Variants in TARBP1 observed in about 807,000 individuals in gnomAD.
TARBP1 encodes the protein tRNA guanosine 2 -O-methyltransferase TARBP1.
Under a neutral mutation model 178.6 loss-of-function variants are expected in TARBP1, and 144 were observed. The ratio of observed to expected loss-of-function variants is 0.81; its 90% CI spans 0.70 to 0.93. The LOEUF is 0.93. TARBP1 is among the 40% of genes least tolerant of loss of function. The pLI is 0.00. For synonymous variants in TARBP1, 787 were observed against 781.0 expected, an observed-to-expected ratio of 1.01 and a Z score of -0.13; for missense variants, 2,067 against 2,011.7, an observed-to-expected ratio of 1.03 and a Z score of -0.53.
chr1:234,427,509 C>T, intron 18 of TARBP1, 67 bp downstream of exon 18: 8 of 1,484,406 alleles, frequency 5.4e-6, no homozygotes, highest in Middle Eastern at 3.6e-4. Flanking sequence ...AAAACAAAGA[C>T]ATAATTCTAT....
At chr1:234,451,045 T>G (rs1457227924) in intron 9 of TARBP1, among the ~76,000 whole-genome samples, 1 of 152,170 alleles carries the variant, frequency 6.6e-6, no homozygotes, top group Non-Finnish European at 1.5e-5. Flanking sequence ...AATTTGAAAT[T>G]TAAGTTATAA....
At chr1:234,471,143 A>G in intron 3 of TARBP1, 45 bp downstream of exon 3, 2 of 1,419,584 alleles carry the variant, frequency 1.4e-6, no homozygotes, top group Non-Finnish European at 1.9e-6. Context: ...AAATCAGGGG[A>G]AAACCATAAA....
intron 10 of TARBP1, among the ~76,000 whole-genome samples, chr1:234,449,327 T>G (rs1666503564): frequency 6.6e-6 from 1 of 152,226 alleles, no homozygotes; most frequent in Admixed American, 6.5e-5. Flanking sequence ...ATTTATATTT[T>G]GAAAAGATTT....
intron 21 of TARBP1, among the ~76,000 whole-genome samples, chr1:234,418,475 T>C (rs1662689970): frequency 6.6e-6 from 1 of 152,210 alleles, no homozygotes; most frequent in Admixed American, 6.5e-5. Flanking sequence ...ATCACCTGTA[T>C]TTTTACAGGG....
At chr1:234,431,551 G>A (rs1039856138) in intron 14 of TARBP1, among the ~76,000 whole-genome samples, 6 of 152,170 alleles carry the variant, frequency 3.9e-5, no homozygotes, top group African/African-American at 1.4e-4. Flanking sequence ...GCCTGGATTA[G>A]TTACACTGAT....
chr1:234,474,300 TA>T (rs112842058), intron 1 of TARBP1, among the ~76,000 whole-genome samples: 25 of 127,858 alleles, frequency 2.0e-4, no homozygotes, highest in South Asian at 2.6e-4. Flanking sequence ...AGGGGACATT[TA>T]AAAAAAAAAA....
Position 234,478,905 on chromosome 1 carries a change from C to T in TARBP1, c.199G>A (p.Gly67Arg). The T allele has an allele frequency of 1.4e-6, 2 of 1,419,890 alleles. No individual in the cohort carries two copies. Among genetic ancestry groups the T allele is most frequent in the Non-Finnish European group, 1.8e-6 (2 of 1,095,838 alleles). The allele number at this position is 1,419,890 out of a possible 1,614,324, so 88.0% of individuals were successfully genotyped here. A position where few individuals can be genotyped will look rare whatever the true frequency, so the allele number is the denominator to read the frequency against. ...LPEAAREVAA[G>R]YLVPLLRSLR... The stretch of plus-strand genomic sequence containing the variant: ...CTCCGCAGCAGTGGCACGAGGTACC[C>T]TGCAGCCACCTCGCGCGCCGCCTCC... The change falls in exon 1 of 30, where the codon GGG becomes AGG. Residue 67 changes from glycine (G) to arginine (R), a missense_variant. Physicochemically the swap from Gly to Arg is moderately radical, Grantham distance 125 (BLOSUM62 -2). Transcript: ENST00000040877.
intron 13 of TARBP1, among the ~76,000 whole-genome samples, chr1:234,434,522 A>G (rs1164165264): frequency 6.6e-6 from 1 of 152,214 alleles, no homozygotes; most frequent in Non-Finnish European, 1.5e-5. Context: ...TTGGCTTAAG[A>G]AACTGGCAGG....
chr1:234,400,921 C>G (rs1660616817), intron 25 of TARBP1: 1 of 280,564 alleles, frequency 3.6e-6, no homozygotes, highest in African/African-American at 2.2e-5. Flanking sequence ...TAAATATTCC[C>G]TTCCATTGTT....
intron 7 of TARBP1, among the ~76,000 whole-genome samples, chr1:234,459,853 T>A (rs1271119041): frequency 6.6e-6 from 1 of 152,162 alleles, no homozygotes; most frequent in African/African-American, 2.4e-5. Context: ...TAAAGAAGTT[T>A]ATATTTACTG....
chr1:234,459,364 C>G, intron 7 of TARBP1, 38 bp from the exon 8 acceptor site: 1 of 1,454,250 alleles, frequency 6.9e-7, no homozygotes, highest in East Asian at 2.3e-5. Flanking sequence ...TCCGTATTCC[C>G]AAAGACAATT....
At position 234,429,503 on chromosome 1, in the gene TARBP1, A is replaced by G; in HGVS notation, c.2784T>C (p.Thr928=). The G allele has an allele frequency of 6.2e-7, 1 of 1,614,230 alleles. No individual in the cohort carries two copies. Among genetic ancestry groups the G allele is most frequent in the Non-Finnish European group, 8.5e-7 (1 of 1,180,038 alleles). ...FLPAVQMPIR[T]LQSALEALTV... is the part of the protein sequence containing the mutation. ...TGAGGGCTTCTAGTGCAGACTGCAA[A>G]GTCCTTATTGGCATCTGAACGGCAG... The change falls in exon 16 of 30, where the codon ACT becomes ACC. Residue 928 remains threonine, a synonymous_variant. Coordinates refer to ENST00000040877, the MANE Select transcript of TARBP1 (RefSeq NM_005646.4).
At chr1:234,464,236 G>A (rs1668198793) in intron 5 of TARBP1, among the ~76,000 whole-genome samples, 1 of 152,132 alleles carries the variant, frequency 6.6e-6, no homozygotes, top group Non-Finnish European at 1.5e-5. Flanking sequence ...TAAAAAATAA[G>A]AGGCTGAAAT....
In TARBP1 at chr1:234,463,903, G is replaced by A. The variant is rs938633760; in HGVS notation, c.1333C>T (p.Pro445Ser). 21 of 1,593,738 alleles carry A rather than the reference G, an allele frequency of 1.3e-5. No homozygotes were observed. In the African/African-American group the frequency reaches 2.4e-4, roughly 18 times the overall value. Residue 445 changes from proline to serine, a missense_variant, in exon 6 of 30, where the codon CCA becomes TCA. Transcript: ENST00000040877. ...AACTTCTGTAATTTCAGTCCCAATG[G>A]AGAACAGCTTCCTATTGGCTGGCCT... ...SPGQPIGSCS[P>S]LGLKLQKFLV...
Position 234,405,970 on chromosome 1 carries a change from C to G in TARBP1, c.3922G>C (p.Glu1308Gln), listed in dbSNP as rs1186080390. ...ATCACAGGAGTCAGGGCATCAAATT[C>G]TTCAACACTTAACACTTTACACACA... Reference protein sequence around the residue: ...WTVCKVLSVEEFDALTPVIES... With the variant: ...WTVCKVLSVEQFDALTPVIES... Residue 1308 changes from glutamate (E) to glutamine (Q), a missense_variant, in exon 24 of 30, where the codon GAA (glutamate) becomes CAA (glutamine). Transcript: ENST00000040877. The G allele has an allele frequency of 9.9e-6, 16 of 1,614,190 alleles. No homozygotes were observed. The highest frequency in any genetic ancestry group is 1.4e-5 in the Non-Finnish European group (16 of 1,180,028).
intron 13 of TARBP1, among the ~76,000 whole-genome samples, chr1:234,434,027 A>AT (rs1664757016): frequency 1.3e-5 from 2 of 152,220 alleles, no homozygotes; most frequent in Admixed American, 1.3e-4. Context: ...TTAAATGCAC[A>AT]TTTTTTGACT....
chr1:234,463,711 C>A (rs892644867), intron 6 of TARBP1, 126 bp downstream of exon 6: 16 of 518,192 alleles, frequency 3.1e-5, no homozygotes, highest in Middle Eastern at 5.3e-4. Flanking sequence ...ATATGCATAT[C>A]CTGGAAAAGG....
At chr1:234,472,676 A>T (rs1329401818) in intron 2 of TARBP1, 38 bp downstream of exon 2, 7 of 1,374,488 alleles carry the variant, frequency 5.1e-6, no homozygotes, top group Non-Finnish European at 7.0e-6. Flanking sequence ...AAAAATTGTT[A>T]TCTACTGTAG....
chr1:234,452,009 C>T (rs1024739734), intron 9 of TARBP1, among the ~76,000 whole-genome samples: 3 of 152,164 alleles, frequency 2.0e-5, no homozygotes, highest in African/African-American at 4.8e-5. Flanking sequence ...CTACAAAATA[C>T]GTGAGGCTTT....
Sources: allele counts gnomAD v4.1 joint callset (sites outside exome capture counted in the v4.1 genomes callset), GRCh38; gene constraint gnomAD v4.1.1; transcripts MANE v1.5; gene names NCBI Gene and HGNC (gene_info 2026-07-23, HGNC 2026-07-21).